The following COLQ variants were observed in gnomAD, a reference collection of about 807,000 sequenced individuals.
COLQ encodes the protein acetylcholinesterase collagenic tail peptide.
A neutral mutation model predicts 69.0 loss-of-function variants in COLQ; 48 were observed. The observed-to-expected ratio is 0.70, with a 90% CI of 0.55 to 0.88. The LOEUF (loss-of-function observed/expected upper bound fraction) is 0.88. COLQ is among the 40% of genes least tolerant of loss of function. The pLI is 0.00. For synonymous variants in COLQ, 217 were observed against 211.2 expected (o/e 1.03, Z -0.24); for missense variants, 618 against 594.6 (o/e 1.04, Z -0.41).
At chr3:15,458,356 A>G (rs377766179) in intron 12 of COLQ, 31 bp from the exon 13 acceptor site, 1 of 1,613,808 alleles carries the variant, frequency 6.2e-7, no homozygotes, top group African/African-American at 1.3e-5. Context: ...GTGTTACTAG[A>G]GCCAAGGAAG....
intron 5 of COLQ, among the ~76,000 whole-genome samples, chr3:15,478,269 T>G (rs1455243239): frequency 6.6e-6 from 1 of 152,250 alleles, no homozygotes; most frequent in African/African-American, 2.4e-5. Context: ...AACTTTGTCT[T>G]GCAAAAGTCT....
At chr3:15,454,430 A>ATCCCAGCGTTGTTTTCAATAC (rs1559511194) in intron 15 of COLQ, among the ~76,000 whole-genome samples, 2 of 152,042 alleles carry the variant, frequency 1.3e-5, no homozygotes, top group East Asian at 3.9e-4. Context: ...TGGAGTATGG[A>ATCCCAGCGTTGTTTTCAATAC]TCCCAGCGTT....
At chr3:15,458,140 A>G (rs2062050470) in intron 13 of COLQ, 46 bp downstream of exon 13, 26 of 1,607,604 alleles carry the variant, frequency 1.6e-5, no homozygotes, top group Non-Finnish European at 2.1e-5. Flanking sequence ...ATCAGGTGAG[A>G]GGTCCTCACG....
intron 5 of COLQ, among the ~76,000 whole-genome samples, chr3:15,477,973 T>A (rs1037252373): frequency 6.6e-6 from 1 of 152,240 alleles, no homozygotes; most frequent in Non-Finnish European, 1.5e-5. Flanking sequence ...GTGCAGGTGC[T>A]AAGGGCCTAT....
chr3:15,496,016 A>C (rs1017268705), intron 1 of COLQ, among the ~76,000 whole-genome samples: 6 of 152,090 alleles, frequency 3.9e-5, no homozygotes, highest in African/African-American at 1.4e-4. Context: ...CATCACCATT[A>C]TTTTTCCAGA....
intron 12 of COLQ, among the ~76,000 whole-genome samples, chr3:15,463,378 GCT>G (rs2062151734): frequency 6.6e-6 from 1 of 150,670 alleles, no homozygotes; most frequent in Admixed American, 6.6e-5. Flanking sequence ...ATGGAGTCTT[GCT>G]CTGTCACCCA....
At chr3:15,512,805 A>G (rs1037696677) in intron 1 of COLQ, among the ~76,000 whole-genome samples, 7 of 152,184 alleles carry the variant, frequency 4.6e-5, no homozygotes, top group African/African-American at 1.7e-4. Flanking sequence ...CTTCTCTGGG[A>G]GTGAAATCCT....
rs576206818 is a variant in COLQ at position 15,456,383 on chromosome 3, G to A, written c.1074+77C>T. ...GAAAGCCCTCCCCAGGCCCAGTGGG[G>A]TGGCCTTCCCTTCCTTTAATGGATG... On this transcript the variant is annotated intron_variant, in intron 14 of 16. Transcript: ENST00000383788. 36 of 1,595,440 alleles carry A rather than the reference G, an allele frequency of 2.3e-5. 2 individuals carry two copies. The South Asian group carries it at 3.8e-4, about 17-fold the overall frequency.
At chr3:15,455,765 C>T (rs2062014521) in intron 15 of COLQ, 134 bp downstream of exon 15, 1 of 1,183,840 alleles carries the variant, frequency 8.4e-7, no homozygotes. Context: ...GTGGGTGGCA[C>T]AAGGTGGCCT....
chr3:15,493,509 C>T (rs2062702144), intron 1 of COLQ, among the ~76,000 whole-genome samples: 2 of 152,246 alleles, frequency 1.3e-5, no homozygotes, highest in Admixed American at 1.3e-4. Context: ...GGCGTCTTCA[C>T]GCCCATCTCT....
intron 10 of COLQ, among the ~76,000 whole-genome samples, chr3:15,471,884 G>A (rs2062294195): frequency 6.6e-6 from 1 of 152,156 alleles, no homozygotes. Flanking sequence ...CGCATGCCAT[G>A]GAGATGCTTG....
chr3:15,459,186 T>C (rs1189057616), intron 12 of COLQ, among the ~76,000 whole-genome samples: 2 of 152,196 alleles, frequency 1.3e-5, no homozygotes, highest in Non-Finnish European at 2.9e-5. Flanking sequence ...GTGGGTTTCT[T>C]TCATTTCTTC....
chr3:15,477,258 A>C, intron 5 of COLQ, 61 bp from the exon 6 acceptor site: 4 of 1,457,998 alleles, frequency 2.7e-6, no homozygotes, highest in Non-Finnish European at 3.8e-6. Flanking sequence ...TCTAATAAAT[A>C]TGTTTTGTCT....
chr3:15,452,313 C>T (rs558010862), intron 16 of COLQ, among the ~76,000 whole-genome samples: 7 of 152,250 alleles, frequency 4.6e-5, no homozygotes, highest in East Asian at 3.9e-4. Flanking sequence ...GTGACCTGCC[C>T]GCCTTGGCCT....
chr3:15,481,672 G>A (rs1485659920), intron 3 of COLQ, among the ~76,000 whole-genome samples: 2 of 152,126 alleles, frequency 1.3e-5, no homozygotes, highest in Non-Finnish European at 2.9e-5. Flanking sequence ...TCTTCTTTTG[G>A]CTTAAGATTG....
At chr3:15,498,586 A>G (rs1178259935) in intron 1 of COLQ, 1 of 1,551,928 alleles carries the variant, frequency 6.4e-7, no homozygotes, top group South Asian at 1.2e-5. Flanking sequence ...TGAGCCCGTC[A>G]TTGTGAGGCA....
intron 3 of COLQ, among the ~76,000 whole-genome samples, chr3:15,486,752 G>A (rs574458960): frequency 5.3e-5 from 8 of 152,260 alleles, no homozygotes; most frequent in East Asian, 3.9e-4. Flanking sequence ...AAGTAATTAC[G>A]GAGAACCTAT....
chr3:15,501,172 T>A (rs926927420), intron 1 of COLQ, among the ~76,000 whole-genome samples: 1 of 152,226 alleles, frequency 6.6e-6, no homozygotes, highest in African/African-American at 2.4e-5. Flanking sequence ...TCTGGGGCCT[T>A]CCTGCAGCTG....
intron 3 of COLQ, among the ~76,000 whole-genome samples, chr3:15,480,161 C>A (rs1049806763): frequency 8.5e-5 from 13 of 152,190 alleles, no homozygotes; most frequent in African/African-American, 3.1e-4. Context: ...ATGCATAGTG[C>A]AAAGCCTGTT....
Sources: gnomAD v4.1 joint callset for allele counts (sites outside exome capture counted in the v4.1 genomes callset) on GRCh38, gnomAD v4.1.1 for gene constraint, MANE v1.5 for transcripts, NCBI Gene and HGNC (gene_info 2026-07-23, HGNC 2026-07-21) for gene names.